Variants in XPR1 observed in about 807,000 individuals in gnomAD.
XPR1 encodes the protein solute carrier family 53 member 1.
Under a neutral mutation model 87.5 loss-of-function variants are expected in XPR1, and 28 were observed. That is an observed-to-expected ratio of 0.32 (90% CI 0.24 to 0.44). The LOEUF (loss-of-function observed/expected upper bound fraction) is 0.44. Among genes scored for constraint, XPR1 ranks in the 20% least tolerant of loss-of-function variants. XPR1 has a pLI of 1.00. For missense variants in XPR1, 559 were observed against 862.3 expected, an observed-to-expected ratio of 0.65 and a Z score of 4.41; for synonymous variants, 300 against 306.1, an observed-to-expected ratio of 0.98 and a Z score of 0.21.
chr1:180,714,358 T>A (rs901384659), intron 2 of XPR1, among the ~76,000 whole-genome samples: 1 of 84,200 alleles, frequency 1.2e-5, no homozygotes, highest in Admixed American at 1.0e-4. Context: ...GTTCTCTCTC[T>A]CTCTCTCTCT....
rs533420741 is a variant in XPR1 at position 180,803,383 on chromosome 1, T to C, written c.224-5T>C. ...GATTTGACAGTTCCGTTCTATTTCT[T>C]ATAGAGAAGCTCGCAGAGGCTCAGC... is the stretch of plus-strand genomic sequence containing the variant. On this transcript the variant is annotated splice_region_variant and splice_polypyrimidine_tract_variant and intron_variant, in intron 3 of 14. Coordinates refer to ENST00000367590, the MANE Select transcript of XPR1 (RefSeq NM_004736.4). The C allele has an allele frequency of 6.2e-7, 1 of 1,613,132 alleles. No individual in the cohort carries two copies. The highest frequency in any genetic ancestry group is 1.3e-5 in the African/African-American group (1 of 75,004).
chr1:180,890,229 C>A lies in XPR1; in HGVS notation c.*6163C>A, dbSNP rs896549778. 1.3e-5 allele frequency: 2 copies of A among 152,150 alleles called. No individual in the cohort carries two copies. Among genetic ancestry groups the A allele is most frequent in the African/African-American group, 2.4e-5 (1 of 41,432 alleles). 9.4% of individuals were successfully genotyped at this position (152,150 alleles called of 1,614,324 possible). A position where few individuals can be genotyped will look rare whatever the true frequency, so the allele number is the denominator to read the frequency against. On this transcript the variant is annotated 3_prime_UTR_variant, in exon 15 of 15. Coordinates refer to ENST00000367590, the MANE Select transcript of XPR1 (RefSeq NM_004736.4). Reference sequence around the variant, plus strand: ...AAACTCTGTCCTTTTTTCATTATTACAATTTCTCTCTGTTTTCCAACAGTT... The same window carrying A: ...AAACTCTGTCCTTTTTTCATTATTAAAATTTCTCTCTGTTTTCCAACAGTT...
At chr1:180,822,223 C>T (rs1236855768) in intron 7 of XPR1, among the ~76,000 whole-genome samples, 1 of 152,176 alleles carries the variant, frequency 6.6e-6, no homozygotes, top group African/African-American at 2.4e-5. Flanking sequence ...CTACTGCTGA[C>T]CAGTTCTTTA....
intron 11 of XPR1, among the ~76,000 whole-genome samples, chr1:180,862,738 G>GA (rs950392949): frequency 1.3e-5 from 2 of 151,948 alleles, no homozygotes; most frequent in Non-Finnish European, 2.9e-5. Context: ...TATTTTAACA[G>GA]AAAAAAATTA....
intron 2 of XPR1, among the ~76,000 whole-genome samples, chr1:180,703,694 C>T (rs1257124534): frequency 6.6e-6 from 1 of 152,108 alleles, no homozygotes; most frequent in Non-Finnish European, 1.5e-5. Context: ...AATAGGGACC[C>T]AAATAAGATT....
rs187672502 is a variant in XPR1, at chr1:180,762,037, C to T, written c.122-25716C>T. ...ATCGCAAGGACAAAAAACCAAACAC[C>T]GCATGTTCTCACTCATAGGTGGGAA... On this transcript the variant is annotated intron_variant, in intron 2 of 14. Coordinates refer to ENST00000367590, the MANE Select transcript of XPR1 (RefSeq NM_004736.4). 1.1e-4 allele frequency among the ~76,000 whole-genome samples: 16 copies of T among 150,250 alleles called. No individual in the cohort carries two copies. The East Asian group carries it at 1.6e-3, about 15-fold the overall frequency.
intron 2 of XPR1, among the ~76,000 whole-genome samples, chr1:180,750,935 T>C (rs972436179): frequency 2.6e-5 from 4 of 152,060 alleles, no homozygotes; most frequent in African/African-American, 9.6e-5. Context: ...GCAACATTTT[T>C]AGTTTTCCAT....
At chr1:180,744,606 C>T (rs1439292536) in intron 2 of XPR1, among the ~76,000 whole-genome samples, 1 of 148,420 alleles carries the variant, frequency 6.7e-6, no homozygotes, top group Admixed American at 6.7e-5. Flanking sequence ...TGCTTATATC[C>T]TGTATAGAGT....
chr1:180,683,122 C>G (rs1388636854), intron 2 of XPR1, among the ~76,000 whole-genome samples: 3 of 144,434 alleles, frequency 2.1e-5, no homozygotes, highest in Non-Finnish European at 3.0e-5. Flanking sequence ...TCCCTCCCCC[C>G]ACCCCACAAC....
At chr1:180,663,127 C>A (rs6694620) in intron 1 of XPR1, among the ~76,000 whole-genome samples, 50 of 152,212 alleles carry the variant, frequency 3.3e-4, no homozygotes, top group Admixed American at 1.7e-3. Context: ...GAATTGGTTC[C>A]TGGTGCCTTA....
intron 11 of XPR1, among the ~76,000 whole-genome samples, chr1:180,847,750 T>G (rs1479806113): frequency 1.3e-5 from 2 of 152,162 alleles, no homozygotes; most frequent in East Asian, 3.8e-4. Flanking sequence ...GGACCATTTA[T>G]TTTTAGGAAA....
At chr1:180,633,184 A>G (rs1571658177) in intron 1 of XPR1, among the ~76,000 whole-genome samples, 1 of 152,238 alleles carries the variant, frequency 6.6e-6, no homozygotes, top group Non-Finnish European at 1.5e-5. Flanking sequence ...GGAACCTTAC[A>G]TTAATAAAGG....
chr1:180,634,389 A>G (rs1200912117), intron 1 of XPR1, among the ~76,000 whole-genome samples: 2 of 152,210 alleles, frequency 1.3e-5, no homozygotes, highest in African/African-American at 2.4e-5. Context: ...GAATCAACCA[A>G]TATTTTATAG....
Position 180,880,182 on chromosome 1 carries a change from C to G in XPR1, c.1915C>G (p.Gln639Glu). 1 of 1,614,178 alleles carries G rather than the reference C, an allele frequency of 6.2e-7. No homozygotes were observed. ...ISVAPLNADDQTLLEQMMDQD... is the reference protein window; with the variant it reads ...ISVAPLNADDETLLEQMMDQD... ...TGTGGCCCCCCTGAACGCAGATGAT[C>G]AGACTCTCCTAGAACAGATGATGGA... The change falls in exon 14 of 15, where the codon CAG becomes GAG. Residue 639 changes from glutamine to glutamate, a missense_variant. By Grantham distance (29) the Gln-to-Glu change is conservative (BLOSUM62 2). This residue lies in a region of XPR1 where 80 missense variants were observed against 99.5 expected (regional missense o/e 0.80). Coordinates refer to ENST00000367590, the MANE Select transcript of XPR1 (RefSeq NM_004736.4).
chr1:180,831,197 T>TTG (rs528020918), intron 9 of XPR1, among the ~76,000 whole-genome samples: 151 of 152,234 alleles, frequency 9.9e-4, no homozygotes, highest in African/African-American at 3.3e-3. Context: ...AAGAAGAGTT[T>TTG]TGTATTCAGT....
At chr1:180,729,114 A>T (rs762764565) in intron 2 of XPR1, among the ~76,000 whole-genome samples, 17 of 152,130 alleles carry the variant, frequency 1.1e-4, no homozygotes, top group Non-Finnish European at 2.2e-4. Flanking sequence ...TTCCTGTGTT[A>T]GTTTGCTTAG....
rs186475772 is a variant in XPR1 at position 180,829,066 on chromosome 1, C to T, written c.1134+3722C>T. Among the ~76,000 whole-genome samples the T allele has an allele frequency of 2.4e-4, 37 of 152,080 alleles. No homozygotes were observed. In the East Asian group the frequency reaches 5.0e-3, roughly 21 times the overall value. On this transcript the variant is annotated intron_variant, in intron 9 of 14. Coordinates refer to ENST00000367590, the MANE Select transcript of XPR1 (RefSeq NM_004736.4). ...GAAAAATTAGTGGGGCATGGTGGCA[C>T]GCATCTGTAGCCCCAGTTACTTGGG... is the stretch of plus-strand genomic sequence containing the variant.
At chr1:180,717,687 G>C (rs972701507) in intron 2 of XPR1, among the ~76,000 whole-genome samples, 5 of 152,094 alleles carry the variant, frequency 3.3e-5, no homozygotes, top group African/African-American at 1.2e-4. Flanking sequence ...AAATTTAGTG[G>C]CACGCTGGAA....
At position 180,760,850 on chromosome 1, in the gene XPR1, A is replaced by G. The variant is rs377138736; in HGVS notation, c.122-26903A>G. 1.1e-4 allele frequency among the ~76,000 whole-genome samples: 17 copies of G among 152,342 alleles called. No homozygotes were observed. The East Asian group carries it at 2.5e-3, about 22-fold the overall frequency. ...AGAAGAAAACCGGAGGCATCATGCT[A>G]CCTGACTTCAAACTATACTACAAGG... On this transcript the variant is annotated intron_variant, in intron 2 of 14. Transcript: ENST00000367590.
Sources: gnomAD v4.1 joint callset for allele counts (sites outside exome capture counted in the v4.1 genomes callset) on GRCh38, gnomAD v4.1.1 for gene constraint, gnomAD v4.1.1 regional missense constraint, MANE v1.5 for transcripts, NCBI Gene and HGNC (gene_info 2026-07-23, HGNC 2026-07-21) for gene names.